Variants in SYT9 observed in about 807,000 individuals in gnomAD.
SYT9 encodes the protein synaptotagmin 9.
SYT9 carries 22 observed loss-of-function variants against 48.4 expected under a neutral mutation model. The ratio of observed to expected loss-of-function variants is 0.45; its 90% CI spans 0.32 to 0.65. The LOEUF is 0.65. Ranked by LOEUF, SYT9 falls within the 30% of genes least tolerant of loss-of-function variation. The pLI is 0.03. For missense variants in SYT9, 577 were observed against 622.0 expected, an observed-to-expected ratio of 0.93 and a Z score of 0.77; for synonymous variants, 265 against 245.0, an observed-to-expected ratio of 1.08 and a Z score of -0.76.
At chr11:7,367,100 G>C (rs1208880283) in intron 3 of SYT9, among the ~76,000 whole-genome samples, 1 of 23,466 alleles carries the variant, frequency 4.3e-5, no homozygotes, top group Non-Finnish European at 9.2e-5. Context: ...TTTTTTTTTC[G>C]AGACGGAGCC....
rs1848349557 is a variant in SYT9, at chr11:7,466,962, G to A, written c.*162G>A. On this transcript the variant is annotated 3_prime_UTR_variant, in exon 7 of 7. Coordinates refer to ENST00000318881, the MANE Select transcript of SYT9 (RefSeq NM_175733.4). The stretch of plus-strand genomic sequence containing the variant: ...TGGCCTTCTTTCCAGATTGGGTTTG[G>A]TGAACCTGAATGGTCCAGCCACCTT... 2.2e-6 allele frequency: 2 copies of A among 889,540 alleles called. No individual in the cohort carries two copies. Among genetic ancestry groups the A allele is most frequent in the South Asian group, 1.6e-5 (1 of 60,940 alleles). 55.1% of individuals were successfully genotyped at this position (889,540 alleles called of 1,614,324 possible).
intron 3 of SYT9, among the ~76,000 whole-genome samples, chr11:7,377,993 C>A (rs1243410409): frequency 6.6e-6 from 1 of 151,988 alleles, no homozygotes; most frequent in Non-Finnish European, 1.5e-5. Flanking sequence ...TTCAGCATCT[C>A]AGAGTGGCAA....
intron 6 of SYT9, among the ~76,000 whole-genome samples, chr11:7,422,764 G>C (rs1268044664): frequency 6.6e-6 from 1 of 152,160 alleles, no homozygotes; most frequent in African/African-American, 2.4e-5. Flanking sequence ...CCTGGGCAGG[G>C]GAGTAGTCCT....
chr11:7,251,075 T>A (rs1025770909), upstream of SYT9, among the ~76,000 whole-genome samples: 7 of 150,224 alleles, frequency 4.7e-5, no homozygotes, highest in Non-Finnish European at 1.5e-5. Context: ...TGAGATTATG[T>A]ACCTAAAAGG....
intron 6 of SYT9, among the ~76,000 whole-genome samples, chr11:7,459,946 T>C (rs972962400): frequency 3.3e-5 from 5 of 152,190 alleles, no homozygotes; most frequent in Non-Finnish European, 7.3e-5. Flanking sequence ...CCTCTAGAAC[T>C]GTGAGACAAT....
At chr11:7,400,027 T>G (rs1401298934) in intron 3 of SYT9, among the ~76,000 whole-genome samples, 1 of 152,208 alleles carries the variant, frequency 6.6e-6, no homozygotes, top group African/African-American at 2.4e-5. Flanking sequence ...TCAAAAATAA[T>G]GTTTATGCCA....
Position 7,313,831 on chromosome 11 carries a change from AG to A in SYT9, c.936del (p.Arg312SerfsTer7). ...TCACTTCTCTGTGTACGACTTTGAC[AG>A]GTTCTCTCGTCATGACTTAATCGGC... Reference protein sequence around the residue: ...KLHFSVYDFDRFSRHDLIGQV... With the variant: ...KLHFSVYDFDXFSRHDLIGQV... On this transcript the variant is annotated frameshift_variant, in exon 3 of 7. Transcript: ENST00000318881. LOFTEE classifies it high-confidence loss of function. 6.2e-7 allele frequency: 1 copy of A among 1,614,200 alleles called. No individual in the cohort carries two copies. Among genetic ancestry groups the A allele is most frequent in the Non-Finnish European group, 8.5e-7 (1 of 1,180,022 alleles).
At chr11:7,306,586 C>T (rs1430037861) in intron 2 of SYT9, among the ~76,000 whole-genome samples, 1 of 152,214 alleles carries the variant, frequency 6.6e-6, no homozygotes, top group Admixed American at 6.5e-5. Flanking sequence ...TCCCAAGCCC[C>T]TTCCTGCCTT....
At chr11:7,420,814 A>G (rs1847340466) in intron 6 of SYT9, among the ~76,000 whole-genome samples, 179 bp downstream of exon 6, 2 of 152,076 alleles carry the variant, frequency 1.3e-5, no homozygotes, top group African/African-American at 4.8e-5. Flanking sequence ...TGTGCTTCCC[A>G]CCAGTCTGGT....
intron 1 of SYT9, among the ~76,000 whole-genome samples, chr11:7,273,229 CT>C (rs1848327790): frequency 6.6e-6 from 1 of 151,718 alleles, no homozygotes; most frequent in Admixed American, 6.6e-5. Flanking sequence ...TATGTAGTAC[CT>C]GTAGTTGTAA....
intron 6 of SYT9, among the ~76,000 whole-genome samples, chr11:7,421,417 TTTAGTCACAAAAC>T (rs1482107134): frequency 2.0e-5 from 3 of 152,240 alleles, no homozygotes; most frequent in African/African-American, 7.2e-5. Flanking sequence ...TTACATTTAA[TTTAGTCACAAAAC>T]TTAGTCACGT....
At chr11:7,345,619 G>C (rs539503490) in intron 3 of SYT9, among the ~76,000 whole-genome samples, 6 of 152,264 alleles carry the variant, frequency 3.9e-5, no homozygotes, top group East Asian at 1.9e-4. Context: ...AAGATCATGT[G>C]TTCCATTTTT....
chr11:7,241,209 C>CAT (rs1281494487), intron 1 of SYT9, among the ~76,000 whole-genome samples: 1 of 121,828 alleles, frequency 8.2e-6, no homozygotes, highest in Non-Finnish European at 1.6e-5. Flanking sequence ...TTATTTAAAA[C>CAT]ACACACACAC....
intron 1 of SYT9, among the ~76,000 whole-genome samples, chr11:7,285,220 T>G (rs1848575020): frequency 6.6e-6 from 1 of 152,174 alleles, no homozygotes; most frequent in African/African-American, 2.4e-5. Flanking sequence ...ACTGGGTTAT[T>G]TATAAGGGGA....
intron 6 of SYT9, among the ~76,000 whole-genome samples, chr11:7,446,681 C>T (rs1847938289): frequency 6.6e-6 from 1 of 152,212 alleles, no homozygotes; most frequent in Non-Finnish European, 1.5e-5. Flanking sequence ...GCCTTGATTC[C>T]CTCAAGGGGA....
At chr11:7,416,655 T>A (rs1022075207) in intron 4 of SYT9, among the ~76,000 whole-genome samples, 1 of 152,194 alleles carries the variant, frequency 6.6e-6, no homozygotes, top group Non-Finnish European at 1.5e-5. Context: ...CTAGAGATGA[T>A]TTAAAGTATA....
intron 1 of SYT9, among the ~76,000 whole-genome samples, chr11:7,275,878 C>G (rs771910243): frequency 1.3e-5 from 2 of 152,180 alleles, no homozygotes; most frequent in Non-Finnish European, 2.9e-5. Flanking sequence ...CAAAAGTCCC[C>G]ATATGTGCCT....
intron 3 of SYT9, among the ~76,000 whole-genome samples, chr11:7,378,227 G>A (rs1370304127): frequency 6.6e-6 from 1 of 152,102 alleles, no homozygotes; most frequent in Non-Finnish European, 1.5e-5. Flanking sequence ...GGTGGGTGTG[G>A]GGGTTAAGAA....
chr11:7,398,086 T>C (rs1413236536), intron 3 of SYT9, among the ~76,000 whole-genome samples: 1 of 152,212 alleles, frequency 6.6e-6, no homozygotes, highest in Non-Finnish European at 1.5e-5. Flanking sequence ...ATGAGTATAA[T>C]GTTAGCCGTA....
Sources: gnomAD v4.1 joint callset for allele counts (sites outside exome capture counted in the v4.1 genomes callset) on GRCh38, gnomAD v4.1.1 for gene constraint, MANE v1.5 for transcripts, NCBI Gene and HGNC (gene_info 2026-07-23, HGNC 2026-07-21) for gene names.